The following STK32A variants were observed in gnomAD, a reference collection of about 807,000 sequenced individuals.
STK32A encodes serine/threonine kinase 32A, also known as serine/threonine-protein kinase 32A.
A neutral mutation model predicts 53.2 loss-of-function variants in STK32A; 41 were observed. The observed-to-expected ratio is 0.77, with a 90% CI of 0.60 to 1.00. The LOEUF is 1.00. Ranked by LOEUF, STK32A falls within the 50% of genes least tolerant of loss-of-function variation. The pLI is 0.00. For missense variants in STK32A, 458 were observed against 485.8 expected, an observed-to-expected ratio of 0.94 and a Z score of 0.54; for synonymous variants, 166 against 162.8, an observed-to-expected ratio of 1.02 and a Z score of -0.15.
chr5:147,288,500 T>C (rs1206348926), intron 4 of STK32A, among the ~76,000 whole-genome samples: 1 of 152,170 alleles, frequency 6.6e-6, no homozygotes, highest in Non-Finnish European at 1.5e-5. Context: ...TTTAAGTGGC[T>C]CATGGTTCTG....
chr5:147,354,964 T>C lies in STK32A; in HGVS notation c.562+3810T>C, dbSNP rs369141926. Among the ~76,000 whole-genome samples the C allele has an allele frequency of 1.0e-3, 158 of 152,334 alleles. 2 individuals carry two copies. The South Asian group carries it at 0.031, about 30-fold the overall frequency. Reference sequence around the variant, plus strand: ...TGGATAGGAGTCTTTCCCAGACGTATTGTGGGTAGAAGTCTGCTGTCTCTT... The same window carrying C: ...TGGATAGGAGTCTTTCCCAGACGTACTGTGGGTAGAAGTCTGCTGTCTCTT... On this transcript the variant is annotated intron_variant, in intron 7 of 12. Coordinates refer to ENST00000397936, the MANE Select transcript of STK32A (RefSeq NM_001112724.2).
At chr5:147,295,576 A>G (rs964534741) in intron 4 of STK32A, among the ~76,000 whole-genome samples, 1 of 152,146 alleles carries the variant, frequency 6.6e-6, no homozygotes, top group Non-Finnish European at 1.5e-5. Context: ...GTTACTTTCT[A>G]TTTTTCTGAT....
At position 147,351,846 on chromosome 5, in the gene STK32A, A is replaced by AAAAC. The variant is rs554914252; in HGVS notation, c.562+716_562+719dup. Among the ~76,000 whole-genome samples the AAAAC allele has an allele frequency of 5.6e-3, 855 of 152,222 alleles. 5 individuals carry two copies. The highest frequency in any genetic ancestry group is 0.017 in the African/African-American group (703 of 41,546). ...TGGCGACAAAGCGAGATTTCGTCTC[A>AAAAC]AAACAAACAAACAAACAAACAAACA... is the stretch of plus-strand genomic sequence containing the variant. On this transcript the variant is annotated intron_variant, in intron 7 of 12. Transcript: ENST00000397936.
intron 4 of STK32A, among the ~76,000 whole-genome samples, chr5:147,300,300 G>A (rs1415373898): frequency 2.0e-5 from 3 of 152,254 alleles, no homozygotes; most frequent in South Asian, 2.1e-4. Context: ...GTGGCAGAGC[G>A]AGGACTCAAA....
chr5:147,395,624 C>G, the STK32A span: 3 of 1,614,026 alleles, frequency 1.9e-6, no homozygotes, highest in Non-Finnish European at 1.7e-6. Context: ...AGGAGAGCCC[C>G]GAGCAGAGCC....
chr5:147,275,184 A>ATC (rs143074943), intron 2 of STK32A, among the ~76,000 whole-genome samples: 56 of 150,524 alleles, frequency 3.7e-4, no homozygotes, highest in African/African-American at 9.0e-4. Flanking sequence ...TTCTGACTTC[A>ATC]TCTCTCTCTC....
chr5:147,301,258 G>A (rs1036037776), intron 4 of STK32A, among the ~76,000 whole-genome samples: 8 of 151,384 alleles, frequency 5.3e-5, no homozygotes, highest in Non-Finnish European at 7.4e-5. Flanking sequence ...ATCATGGGGA[G>A]GTCCTCAGAG....
At chr5:147,319,933 C>T (rs1171941770) in intron 4 of STK32A, among the ~76,000 whole-genome samples, 3 of 152,104 alleles carry the variant, frequency 2.0e-5, no homozygotes, top group Non-Finnish European at 4.4e-5. Flanking sequence ...GTAGGTTCCC[C>T]TACTATCATG....
intron 2 of STK32A, among the ~76,000 whole-genome samples, chr5:147,261,925 T>C (rs1024517037): frequency 4.6e-5 from 7 of 152,172 alleles, no homozygotes; most frequent in African/African-American, 9.7e-5. Flanking sequence ...CAGCGATTCA[T>C]AGTTGCCTTA....
At chr5:147,261,936 G>A (rs1444554784) in intron 2 of STK32A, among the ~76,000 whole-genome samples, 6 of 152,112 alleles carry the variant, frequency 3.9e-5, no homozygotes, top group African/African-American at 7.2e-5. Context: ...AGTTGCCTTA[G>A]GATACATTTA....
At chr5:147,279,557 T>C (rs1751950199) in intron 4 of STK32A, among the ~76,000 whole-genome samples, 159 bp downstream of exon 4, 1 of 152,030 alleles carries the variant, frequency 6.6e-6, no homozygotes, top group Non-Finnish European at 1.5e-5. Flanking sequence ...ACAGTGAAAG[T>C]ACAGAGATTT....
intron 4 of STK32A, among the ~76,000 whole-genome samples, chr5:147,312,866 T>G (rs1416750478): frequency 2.0e-5 from 3 of 152,124 alleles, no homozygotes; most frequent in African/African-American, 7.2e-5. Flanking sequence ...TTGACAAATC[T>G]TTGTTTTAGC....
chr5:147,364,898 C>T (rs1756677393), intron 8 of STK32A, among the ~76,000 whole-genome samples: 1 of 152,110 alleles, frequency 6.6e-6, no homozygotes, highest in African/African-American at 2.4e-5. Context: ...GTTGTATACT[C>T]TCAAGGTCCC....
chr5:147,348,553 A>G (rs1343745018), intron 6 of STK32A: 1 of 662,476 alleles, frequency 1.5e-6, no homozygotes, highest in African/African-American at 1.8e-5. Context: ...TGGCTCTAAA[A>G]CCTTCTCTAC....
In STK32A at chr5:147,282,380, A is replaced by G. The variant is rs540895242; in HGVS notation, c.260+2982A>G. Among the ~76,000 whole-genome samples, 3 of 152,104 alleles carry G rather than the reference A, an allele frequency of 2.0e-5. No individual in the cohort carries two copies. The East Asian group carries it at 5.8e-4, about 29-fold the overall frequency. ...CTTTAGCTCTTTTTTGGTTTTTTGG[A>G]AAAAAACCCAAAGTACACAGGCAAC... On this transcript the variant is annotated intron_variant, in intron 4 of 12. Transcript: ENST00000397936.
chr5:147,257,243 G>A lies in STK32A; in HGVS notation c.52+17557G>A, dbSNP rs1032368091. Reference sequence around the variant, plus strand: ...ACCAACTACAGCATAAAAGCTCTACGTCGGGGGCGGGGCGGGGGGTAGGAC... The same window carrying A: ...ACCAACTACAGCATAAAAGCTCTACATCGGGGGCGGGGCGGGGGGTAGGAC... On this transcript the variant is annotated intron_variant, in intron 2 of 12. Coordinates refer to ENST00000397936, the MANE Select transcript of STK32A (RefSeq NM_001112724.2). Among the ~76,000 whole-genome samples, 8 of 151,474 alleles carry A rather than the reference G, an allele frequency of 5.3e-5. No homozygotes were observed. The East Asian group carries it at 5.8e-4, about 11-fold the overall frequency.
At chr5:147,344,553 G>T (rs953328943) in intron 6 of STK32A, among the ~76,000 whole-genome samples, 1 of 152,162 alleles carries the variant, frequency 6.6e-6, no homozygotes, top group African/African-American at 2.4e-5. Context: ...CAGGAGGATC[G>T]CTTGAGCCCA....
intron 11 of STK32A, chr5:147,375,553 G>C (rs144245500): frequency 5.1e-6 from 1 of 197,752 alleles, no homozygotes; most frequent in East Asian, 1.5e-4. Flanking sequence ...ATAAAATTAT[G>C]GTAAAGGGGC....
At chr5:147,236,546 A>G (rs115258392) in intron 1 of STK32A, among the ~76,000 whole-genome samples, 2,355 of 152,240 alleles carry the variant, frequency 0.015, 73 homozygotes, top group African/African-American at 0.054. Flanking sequence ...AAAAAAATCT[A>G]ATTTGGTTAT....
Sources: gnomAD v4.1 joint callset for allele counts (sites outside exome capture counted in the v4.1 genomes callset) on GRCh38, gnomAD v4.1.1 for gene constraint, MANE v1.5 for transcripts, NCBI Gene and HGNC (gene_info 2026-07-23, HGNC 2026-07-21) for gene names.